The following DNAH8 variants were observed in gnomAD, a reference collection of about 807,000 sequenced individuals.
The protein encoded by DNAH8 is dynein axonemal heavy chain 8, also known as axonemal beta dynein heavy chain 8.
DNAH8 carries 382 observed loss-of-function variants against 562.1 expected under a neutral mutation model. That is an observed-to-expected ratio of 0.68 (90% CI 0.63 to 0.74). The LOEUF (loss-of-function observed/expected upper bound fraction) is 0.74. Among genes scored for constraint, DNAH8 ranks in the 30% least tolerant of loss-of-function variants. The pLI is 0.00. For synonymous variants in DNAH8, 1,881 were observed against 1,919.4 expected, an observed-to-expected ratio of 0.98 and a Z score of 0.52; for missense variants, 5,203 against 5,620.4, an observed-to-expected ratio of 0.93 and a Z score of 2.37.
At chr6:39,015,848 T>C (rs1766531240) in intron 91 of DNAH8, among the ~76,000 whole-genome samples, 1 of 152,236 alleles carries the variant, frequency 6.6e-6, no homozygotes, top group Non-Finnish European at 1.5e-5. Context: ...TGGAAAGCCC[T>C]AACTTATTCA....
At chr6:39,016,672 A>T (rs17422753) in intron 91 of DNAH8, among the ~76,000 whole-genome samples, 4 of 152,156 alleles carry the variant, frequency 2.6e-5, no homozygotes, top group African/African-American at 9.7e-5. Flanking sequence ...ACCATAAGGA[A>T]GACTATAGAA....
intron 77 of DNAH8, 124 bp from the exon 78 acceptor site, chr6:38,937,850 G>T: frequency 8.6e-7 from 1 of 1,158,352 alleles, no homozygotes. Context: ...TGTACCAGTA[G>T]TCTTCCTGAC....
chr6:38,763,832 C>G (rs2127612018), intron 11 of DNAH8: 1 of 153,076 alleles, frequency 6.5e-6, no homozygotes, highest in East Asian at 1.9e-4. Flanking sequence ...GAAGAGAAAG[C>G]CGAGAAAGAA....
intron 26 of DNAH8, among the ~76,000 whole-genome samples, chr6:38,821,063 G>T (rs1435986089): frequency 1.5e-4 from 23 of 152,094 alleles, no homozygotes. Context: ...ATTAGCAGAT[G>T]ATATGATTTT....
At chr6:38,790,207 T>C in intron 19 of DNAH8, 82 bp from the exon 20 acceptor site, 2 of 791,016 alleles carry the variant, frequency 2.5e-6, no homozygotes, top group South Asian at 3.0e-5. Flanking sequence ...TAACATATAA[T>C]ATTTGTAGGT....
intron 88 of DNAH8, among the ~76,000 whole-genome samples, chr6:38,997,088 C>A (rs1417244613): frequency 1.3e-5 from 2 of 152,034 alleles, no homozygotes; most frequent in African/African-American, 4.8e-5. Context: ...TCTCACCCAC[C>A]CCTGATCCCC....
intron 79 of DNAH8, among the ~76,000 whole-genome samples, chr6:38,943,003 T>G (rs905161211): frequency 4.6e-5 from 7 of 152,242 alleles, no homozygotes; most frequent in East Asian, 3.9e-4. Flanking sequence ...GCTGAACACA[T>G]GGGTTGTGGT....
intron 41 of DNAH8, among the ~76,000 whole-genome samples, chr6:38,854,404 T>C (rs1362646976): frequency 2.6e-5 from 4 of 152,148 alleles, no homozygotes; most frequent in African/African-American, 9.7e-5. Context: ...CTTCTCCAAC[T>C]ACTCCTCCCA....
chr6:38,899,223 A>G (rs760252786), intron 61 of DNAH8, among the ~76,000 whole-genome samples: 1 of 152,158 alleles, frequency 6.6e-6, no homozygotes, highest in African/African-American at 2.4e-5. Flanking sequence ...AACCATAGAA[A>G]AGCAACACAA....
chr6:38,883,536 A>G, intron 55 of DNAH8, 80 bp downstream of exon 55: 1 of 1,342,768 alleles, frequency 7.4e-7, no homozygotes, highest in Non-Finnish European at 1.0e-6. Flanking sequence ...GTACGCATAT[A>G]AAATGTGAAA....
chr6:38,920,937 C>T (rs992948725), intron 70 of DNAH8, among the ~76,000 whole-genome samples: 1 of 152,124 alleles, frequency 6.6e-6, no homozygotes, highest in Non-Finnish European at 1.5e-5. Context: ...GTCGCCCAGG[C>T]TGGAGTACAG....
At chr6:38,961,111 C>T (rs1170887821) in intron 82 of DNAH8, among the ~76,000 whole-genome samples, 1 of 151,962 alleles carries the variant, frequency 6.6e-6, no homozygotes, top group African/African-American at 2.4e-5. Flanking sequence ...CATGATCTCA[C>T]TCTTGAGAAT....
intron 21 of DNAH8, among the ~76,000 whole-genome samples, chr6:38,794,879 T>G (rs905808690): frequency 6.7e-6 from 1 of 150,368 alleles, no homozygotes; most frequent in Admixed American, 6.6e-5. Flanking sequence ...TTTTTTTTTG[T>G]GGACTTAAGC....
At chr6:38,753,419 A>G (rs1272068624) in intron 9 of DNAH8, among the ~76,000 whole-genome samples, 1 of 152,200 alleles carries the variant, frequency 6.6e-6, no homozygotes. Flanking sequence ...AGATTTGAAG[A>G]TGCAAATATG....
chr6:39,024,848 A>G (rs909843813), intron 91 of DNAH8, among the ~76,000 whole-genome samples: 1 of 152,176 alleles, frequency 6.6e-6, no homozygotes, highest in Non-Finnish European at 1.5e-5. Context: ...GTTTCATGAA[A>G]CTATAGCTTT....
chr6:38,853,389 A>T (rs1775919274), intron 41 of DNAH8, 42 bp downstream of exon 41: 2 of 1,594,490 alleles, frequency 1.3e-6, no homozygotes, highest in Non-Finnish European at 1.7e-6. Flanking sequence ...AAAGAAATGG[A>T]AATAAAGGGG....
chr6:38,915,132 A>T, intron 67 of DNAH8, 69 bp from the exon 68 acceptor site: 1 of 1,285,416 alleles, frequency 7.8e-7, no homozygotes, highest in South Asian at 1.4e-5. Context: ...ATATTTGCTC[A>T]CTATTCAGAT....
chr6:38,925,345 T>G (rs1040881609), intron 73 of DNAH8, among the ~76,000 whole-genome samples: 1 of 120,904 alleles, frequency 8.3e-6, no homozygotes, highest in Admixed American at 9.2e-5. Flanking sequence ...TTTTATTTTA[T>G]TTTTTTTAGA....
chr6:38,798,424 C>T (rs1338254939), intron 21 of DNAH8, among the ~76,000 whole-genome samples: 1 of 152,144 alleles, frequency 6.6e-6, no homozygotes, highest in Non-Finnish European at 1.5e-5. Flanking sequence ...GGTCTTAGTC[C>T]TCAAGGAGTA....
Sources: allele counts gnomAD v4.1 joint callset (sites outside exome capture counted in the v4.1 genomes callset), GRCh38; gene constraint gnomAD v4.1.1; transcripts MANE v1.5; gene names NCBI Gene and HGNC (gene_info 2026-07-23, HGNC 2026-07-21).